The following MME variants were observed in gnomAD, a reference collection of about 807,000 sequenced individuals.
MME encodes membrane metalloendopeptidase.
In MME, 98 loss-of-function variants were observed where a neutral mutation model predicts 113.2. The ratio of observed to expected loss-of-function variants is 0.87; its 90% CI spans 0.74 to 1.02. The LOEUF is 1.02. Ranked by LOEUF, MME falls within the 50% of genes least tolerant of loss-of-function variation. The probability of loss-of-function intolerance (pLI) is 0.00; values close to 1 mark genes in which losing one functional copy is unlikely to be tolerated. For synonymous variants in MME, 292 were observed against 300.6 expected (o/e 0.97, Z 0.30); for missense variants, 836 against 896.0 (o/e 0.93, Z 0.86).
In MME at chr3:155,026,044, C is replaced by T. The variant is rs1712773428; in HGVS notation, c.-11+1720C>T. Among the ~76,000 whole-genome samples, 8 of 152,150 alleles carry T rather than the reference C, an allele frequency of 5.3e-5. No individual in the cohort carries two copies. The South Asian group carries it at 1.2e-3, about 24-fold the overall frequency. On this transcript the variant is annotated intron_variant, in intron 1 of 22. Transcript: ENST00000492661. ...AAAAGCCAAACACAGAAAGAAAGTA[C>T]AGATTCTGCCCCTCTTTTGCCAGTG...
At chr3:155,042,689 A>T (rs1177547946) in intron 1 of MME, among the ~76,000 whole-genome samples, 2 of 151,652 alleles carry the variant, frequency 1.3e-5, no homozygotes, top group African/African-American at 4.8e-5. Flanking sequence ...AAATGTTTTG[A>T]ATTGTGTTAA....
intron 22 of MME, among the ~76,000 whole-genome samples, chr3:155,176,190 A>G (rs555091192): frequency 2.6e-5 from 4 of 152,320 alleles, no homozygotes; most frequent in African/African-American, 9.6e-5. Context: ...TCAGAAGTCC[A>G]ATTGTAGTAG....
At chr3:155,043,016 T>C (rs1234985932) in intron 1 of MME, among the ~76,000 whole-genome samples, 1 of 144,014 alleles carries the variant, frequency 6.9e-6, no homozygotes, top group Non-Finnish European at 1.5e-5. Flanking sequence ...TTTTCCAAGA[T>C]ACTCACATTT....
At chr3:155,139,658 T>C (rs1354848590) in intron 9 of MME, among the ~76,000 whole-genome samples, 2 of 152,222 alleles carry the variant, frequency 1.3e-5, no homozygotes, top group South Asian at 2.1e-4. Context: ...AGGTCCATGA[T>C]GTTGCCATTC....
chr3:155,026,285 A>T (rs972518458), intron 1 of MME, among the ~76,000 whole-genome samples: 1 of 152,072 alleles, frequency 6.6e-6, no homozygotes, highest in East Asian at 1.9e-4. Context: ...CAGTCAGGAA[A>T]CTCAAATGGG....
intron 8 of MME, among the ~76,000 whole-genome samples, chr3:155,126,495 G>A (rs1386940395): frequency 6.6e-6 from 1 of 151,678 alleles, no homozygotes; most frequent in Non-Finnish European, 1.5e-5. Flanking sequence ...CAAACTGGCA[G>A]TCTTTGGCTT....
intron 1 of MME, among the ~76,000 whole-genome samples, chr3:155,067,389 C>T (rs1245858860): frequency 7.1e-6 from 1 of 139,900 alleles, no homozygotes; most frequent in Non-Finnish European, 1.5e-5. Context: ...TGGCTCACTG[C>T]AAACTCCACC....
rs1712996932 is a variant in MME, at chr3:155,180,593, C to T, written c.*134C>T. ...GGGTGATTAACAGAGAGGGCACCAT[C>T]ACAATACAGATAACATTAGGTTGTC... is the stretch of plus-strand genomic sequence containing the variant. On this transcript the variant is annotated 3_prime_UTR_variant, in exon 23 of 23. Transcript: ENST00000360490. The T allele has an allele frequency of 1.4e-6, 1 of 734,816 alleles. No individual in the cohort carries two copies. The highest frequency in any genetic ancestry group is 2.5e-6 in the Non-Finnish European group (1 of 398,682). The allele number at this position is 734,816 out of a possible 1,614,324, so 45.5% of individuals were successfully genotyped here. A position where few individuals can be genotyped will look rare whatever the true frequency, so the allele number is the denominator to read the frequency against.
intron 1 of MME, among the ~76,000 whole-genome samples, chr3:155,047,472 T>A (rs181819273): frequency 6.6e-6 from 1 of 152,324 alleles, no homozygotes; most frequent in Admixed American, 6.5e-5. Flanking sequence ...GAACATATCC[T>A]TGTTGTTAAG....
chr3:155,111,017 G>T (rs937451998), intron 3 of MME, among the ~76,000 whole-genome samples: 5 of 152,208 alleles, frequency 3.3e-5, no homozygotes, highest in African/African-American at 4.8e-5. Context: ...AGATGTCAGA[G>T]ATCCACAGAT....
chr3:155,094,984 C>G (rs958567696), intron 3 of MME, among the ~76,000 whole-genome samples: 1 of 152,224 alleles, frequency 6.6e-6, no homozygotes, highest in Non-Finnish European at 1.5e-5. Flanking sequence ...CTCAGACCTA[C>G]TGAATCTGTG....
rs542551141 is a variant in MME at position 155,052,211 on chromosome 3, C to T, written c.-11+27887C>T. 5.8e-3 allele frequency among the ~76,000 whole-genome samples: 877 copies of T among 152,280 alleles called. 7 individuals are homozygous for T. Among genetic ancestry groups the T allele is most frequent in the Non-Finnish European group, 0.01 (683 of 68,028 alleles). ...TGTTTTCACAAGCTGGCATTGAGTG[C>T]CTGTGGCTTTTCCAGGTGCAGAATG... On this transcript the variant is annotated intron_variant, in intron 1 of 22. Coordinates refer to the MME transcript ENST00000492661.
rs1713392328 is a variant in MME, at chr3:155,042,917, T to TATATATATAC, written c.-11+18602_-11+18603insCATATATATA. ...AGTAGGTTTTATATATATATATATA[T>TATATATATAC]ATATATATATATATATATATATGTA... On this transcript the variant is annotated intron_variant, in intron 1 of 22. Transcript: ENST00000492661. Among the ~76,000 whole-genome samples the TATATATATAC allele has an allele frequency of 5.9e-5, 3 of 51,082 alleles. No individual in the cohort carries two copies. In the East Asian group the frequency reaches 1.9e-3, roughly 33 times the overall value. 33.5% of individuals were successfully genotyped at this position (51,082 alleles called of 152,430 possible).
upstream of MME, chr3:155,079,823 G>A (rs1186049096): frequency 6.6e-6 from 1 of 152,574 alleles, no homozygotes; most frequent in African/African-American, 2.4e-5. Flanking sequence ...CCCGGGCGGA[G>A]GCGGGTCCGG....
intron 21 of MME, 34 bp from the exon 22 acceptor site, chr3:155,172,502 G>C: frequency 1.3e-6 from 2 of 1,511,398 alleles, no homozygotes; most frequent in Non-Finnish European, 1.8e-6. Flanking sequence ...TTGAACCTGA[G>C]TACATGCTTT....
At chr3:155,117,433 T>C (rs1718714828) in intron 7 of MME, among the ~76,000 whole-genome samples, 2 of 152,206 alleles carry the variant, frequency 1.3e-5, no homozygotes, top group South Asian at 4.1e-4. Context: ...ATCTGTACTT[T>C]TTTCTCAACT....
chr3:155,165,853 C>T (rs979389788), intron 17 of MME, among the ~76,000 whole-genome samples: 56 of 152,208 alleles, frequency 3.7e-4, no homozygotes, highest in Middle Eastern at 6.8e-3. Context: ...TGATAGAGAC[C>T]CTTCAAGGGC....
At position 155,143,595 on chromosome 3, in the gene MME, T is replaced by A. The variant is rs763468992; in HGVS notation, c.1317+24T>A. On this transcript the variant is annotated intron_variant, in intron 13 of 22. Transcript: ENST00000360490. Reference sequence around the variant, plus strand: ...TGGTAATGTTTTCAGAATAATACACTGTCAGTTATACAGGACACTATCAGT... The same window carrying A: ...TGGTAATGTTTTCAGAATAATACACAGTCAGTTATACAGGACACTATCAGT... 3.1e-6 allele frequency: 5 copies of A among 1,608,530 alleles called. No individual in the cohort carries two copies. In the South Asian group the frequency reaches 5.5e-5, roughly 18 times the overall value.
chr3:155,048,812 G>A (rs946386490), intron 1 of MME, among the ~76,000 whole-genome samples: 6 of 151,876 alleles, frequency 4.0e-5, no homozygotes, highest in African/African-American at 1.2e-4. Flanking sequence ...CTAGTGCTTG[G>A]TTTATCTTAT....
Sources: gnomAD v4.1 joint callset for allele counts (sites outside exome capture counted in the v4.1 genomes callset) on GRCh38, gnomAD v4.1.1 for gene constraint, MANE v1.5 for transcripts, NCBI Gene and HGNC (gene_info 2026-07-23, HGNC 2026-07-21) for gene names.